Variants in ARL15 observed in about 807,000 individuals in gnomAD.
ARL15 encodes ARF like GTPase 15.
ARL15 carries 19 observed loss-of-function variants against 25.2 expected under a neutral mutation model. The ratio of observed to expected loss-of-function variants is 0.75; its 90% CI spans 0.53 to 1.10. ARL15 has a LOEUF of 1.10. ARL15 is among the 50% of genes least tolerant of loss of function. The pLI, the probability that ARL15 is intolerant of heterozygous loss-of-function variation, is 0.00. For missense variants in ARL15, 220 were observed against 246.0 expected (o/e 0.89, Z 0.71); for synonymous variants, 94 against 86.8 (o/e 1.08, Z -0.46).
intron 4 of ARL15, among the ~76,000 whole-genome samples, chr5:53,912,609 C>A (rs560166670): frequency 1.4e-4 from 21 of 152,290 alleles, no homozygotes; most frequent in African/African-American, 4.8e-4. Flanking sequence ...TCTTGCAGCA[C>A]CCCCTCCTCC....
At chr5:54,297,917 G>C (rs1322000109) in intron 1 of ARL15, among the ~76,000 whole-genome samples, 2 of 152,108 alleles carry the variant, frequency 1.3e-5, no homozygotes, top group East Asian at 1.9e-4. Flanking sequence ...CCAGCAGCTG[G>C]GACTACAGGT....
chr5:54,047,881 T>G (rs1038131207), intron 4 of ARL15: 1 of 152,234 alleles, frequency 6.6e-6, no homozygotes, highest in African/African-American at 2.4e-5. Context: ...GTCATTCTAA[T>G]GGTATGATGA....
At chr5:54,102,307 T>C (rs2112181712) in intron 4 of ARL15, among the ~76,000 whole-genome samples, 1 of 152,250 alleles carries the variant, frequency 6.6e-6, no homozygotes, top group African/African-American at 2.4e-5. Flanking sequence ...TCACCATGTC[T>C]GGCCTAATAA....
At chr5:54,305,878 G>C (rs1758741653) in intron 1 of ARL15, among the ~76,000 whole-genome samples, 1 of 152,042 alleles carries the variant, frequency 6.6e-6, no homozygotes, top group Non-Finnish European at 1.5e-5. Context: ...CAAATGCAAT[G>C]AATATTAATT....
intron 1 of ARL15, among the ~76,000 whole-genome samples, chr5:54,198,229 C>G (rs898777527): frequency 6.6e-6 from 1 of 152,058 alleles, no homozygotes; most frequent in Non-Finnish European, 1.5e-5. Flanking sequence ...CCTTTGAAAA[C>G]TGGCACAAGA....
chr5:54,116,021 T>C (rs1217264372), intron 3 of ARL15, among the ~76,000 whole-genome samples: 6 of 152,156 alleles, frequency 3.9e-5, no homozygotes, highest in African/African-American at 1.2e-4. Flanking sequence ...TAGGCAAAGA[T>C]ATTGTTTCAG....
chr5:54,034,293 C>T (rs1366583169), intron 4 of ARL15, among the ~76,000 whole-genome samples: 1 of 152,188 alleles, frequency 6.6e-6, no homozygotes, highest in Non-Finnish European at 1.5e-5. Flanking sequence ...AGGCAGGACT[C>T]ATAGAAACTG....
At chr5:54,127,330 C>A (rs1038399010) in intron 3 of ARL15, among the ~76,000 whole-genome samples, 1 of 152,154 alleles carries the variant, frequency 6.6e-6, no homozygotes, top group Non-Finnish European at 1.5e-5. Context: ...TCTCAGGATA[C>A]AAAACCAATA....
At chr5:54,191,198 A>AGC (rs1755390681) in intron 1 of ARL15, among the ~76,000 whole-genome samples, 1 of 152,226 alleles carries the variant, frequency 6.6e-6, no homozygotes, top group African/African-American at 2.4e-5. Flanking sequence ...AAGTTAAATA[A>AGC]GCCAGCCAGC....
chr5:54,043,932 G>A (rs1320527968), intron 4 of ARL15, among the ~76,000 whole-genome samples: 1 of 151,822 alleles, frequency 6.6e-6, no homozygotes, highest in Admixed American at 6.6e-5. Context: ...TGGGAGTATC[G>A]CTTGAACCCA....
chr5:54,006,456 CTCTTA>C (rs557971880), intron 4 of ARL15, among the ~76,000 whole-genome samples: 142 of 149,858 alleles, frequency 9.5e-4, no homozygotes, highest in Non-Finnish European at 1.6e-3. Flanking sequence ...ACAGTGTGTT[CTCTTA>C]TAACAATTGA....
intron 4 of ARL15, among the ~76,000 whole-genome samples, chr5:54,091,129 T>C (rs1752114913): frequency 6.6e-6 from 1 of 152,186 alleles, no homozygotes; most frequent in South Asian, 2.1e-4. Context: ...GAAAATCTTT[T>C]TCTTCCACAC....
chr5:54,226,104 G>C (rs1353664404), intron 1 of ARL15, among the ~76,000 whole-genome samples: 20 of 152,128 alleles, frequency 1.3e-4, no homozygotes, highest in Non-Finnish European at 2.9e-4. Flanking sequence ...TGGGAAGGCA[G>C]TCATAATAGT....
chr5:54,215,329 C>T (rs1756164110), intron 1 of ARL15, among the ~76,000 whole-genome samples: 1 of 152,044 alleles, frequency 6.6e-6, no homozygotes, highest in African/African-American at 2.4e-5. Context: ...TGAACCATTA[C>T]CATAAATCTG....
chr5:53,943,228 C>A lies in ARL15; in HGVS notation c.463-56515G>T, dbSNP rs565498176. On this transcript the variant is annotated intron_variant, in intron 4 of 4. Transcript: ENST00000504924. ...TGTAATAATTCACTAGAGAGAAGAACAAAGTGATGATGCCAGAAAGAAAAT... is the reference window on the plus strand; with the variant it reads ...TGTAATAATTCACTAGAGAGAAGAAAAAAGTGATGATGCCAGAAAGAAAAT... 7.2e-5 allele frequency among the ~76,000 whole-genome samples: 11 copies of A among 151,974 alleles called. No homozygotes were observed. In the South Asian group the frequency reaches 2.1e-3, roughly 29 times the overall value.
At chr5:54,220,742 C>G (rs557265327) in intron 1 of ARL15, among the ~76,000 whole-genome samples, 62 of 150,670 alleles carry the variant, frequency 4.1e-4, no homozygotes, top group African/African-American at 1.5e-3. Flanking sequence ...TCAGCAGTGT[C>G]CCCTAGCAAG....
chr5:54,204,390 T>G (rs1674940898), intron 1 of ARL15, among the ~76,000 whole-genome samples: 1 of 152,318 alleles, frequency 6.6e-6, no homozygotes, highest in Non-Finnish European at 1.5e-5. Flanking sequence ...TGACTTTTCC[T>G]TCCCTCTGCA....
chr5:53,950,297 A>G (rs756885944), intron 4 of ARL15, among the ~76,000 whole-genome samples: 1 of 152,034 alleles, frequency 6.6e-6, no homozygotes, highest in Non-Finnish European at 1.5e-5. Flanking sequence ...GACTATGCTC[A>G]AGGTAGTGAG....
intron 4 of ARL15, among the ~76,000 whole-genome samples, chr5:53,901,547 C>G (rs974436802): frequency 1.1e-3 from 162 of 152,132 alleles, no homozygotes; most frequent in African/African-American, 3.8e-3. Context: ...GTCTGCTACA[C>G]ACGAGTAAAA....
Sources: gnomAD v4.1 joint callset for allele counts (sites outside exome capture counted in the v4.1 genomes callset) on GRCh38, gnomAD v4.1.1 for gene constraint, MANE v1.5 for transcripts, NCBI Gene and HGNC (gene_info 2026-07-23, HGNC 2026-07-21) for gene names.